The following ME1 variants were observed in gnomAD, a reference collection of about 807,000 sequenced individuals.
ME1 encodes the protein NADP-dependent malic enzyme.
A neutral mutation model predicts 66.4 loss-of-function variants in ME1; 74 were observed. The observed-to-expected ratio is 1.11, with a 90% CI of 0.92 to 1.35. The LOEUF is 1.35. ME1 is among the 40% of genes most tolerant of loss of function. The pLI, the probability that ME1 is intolerant of heterozygous loss-of-function variation, is 0.00. For synonymous variants in ME1, 251 were observed against 235.6 expected, an observed-to-expected ratio of 1.07 and a Z score of -0.60; for missense variants, 750 against 694.1, an observed-to-expected ratio of 1.08 and a Z score of -0.90.
intron 1 of ME1, among the ~76,000 whole-genome samples, chr6:83,410,084 C>G (rs1166978829): frequency 6.6e-6 from 1 of 150,728 alleles, no homozygotes; most frequent in Non-Finnish European, 1.5e-5. Flanking sequence ...TACTTTTTTA[C>G]TTTTGGTTTG....
At chr6:83,277,187 C>T (rs1767197846) in intron 6 of ME1, among the ~76,000 whole-genome samples, 2 of 152,132 alleles carry the variant, frequency 1.3e-5, no homozygotes, top group African/African-American at 2.4e-5. Flanking sequence ...CAAAACAAGC[C>T]TGGGTACTTA....
chr6:83,396,736 A>G (rs1368143652), intron 3 of ME1, among the ~76,000 whole-genome samples: 1 of 152,116 alleles, frequency 6.6e-6, no homozygotes, highest in Non-Finnish European at 1.5e-5. Context: ...CTGTTAAGTT[A>G]TGGTAATCAC....
intron 5 of ME1, among the ~76,000 whole-genome samples, chr6:83,320,915 C>T (rs1195657137): frequency 6.6e-6 from 1 of 152,112 alleles, no homozygotes; most frequent in Non-Finnish European, 1.5e-5. Context: ...AAGACCAATG[C>T]AGAAGGTGGG....
intron 6 of ME1, among the ~76,000 whole-genome samples, chr6:83,270,394 C>T (rs560739678): frequency 1.8e-3 from 276 of 150,982 alleles, no homozygotes; most frequent in Middle Eastern, 6.8e-3. Context: ...CTCCCTAACG[C>T]CTTCTCAAAA....
chr6:83,422,568 G>A (rs546716713), intron 1 of ME1, among the ~76,000 whole-genome samples: 3 of 152,230 alleles, frequency 2.0e-5, no homozygotes, highest in South Asian at 2.1e-4. Context: ...CTTACAATCA[G>A]TTATTATAAC....
chr6:83,310,737 G>A (rs1462131234), intron 6 of ME1, among the ~76,000 whole-genome samples: 2 of 151,950 alleles, frequency 1.3e-5, no homozygotes, highest in Non-Finnish European at 2.9e-5. Context: ...TAACTATAAG[G>A]ACAATGGGAA....
chr6:83,247,299 T>A (rs900717220), intron 7 of ME1, among the ~76,000 whole-genome samples: 7 of 152,098 alleles, frequency 4.6e-5, no homozygotes, highest in African/African-American at 1.7e-4. Context: ...CTGAATTCTG[T>A]TTGTCTTCAG....
chr6:83,391,881 C>T (rs1158146888), intron 3 of ME1, among the ~76,000 whole-genome samples: 1 of 152,188 alleles, frequency 6.6e-6, no homozygotes, highest in African/African-American at 2.4e-5. Context: ...CCACAGTGTC[C>T]ACTCTGTTTA....
intron 6 of ME1, among the ~76,000 whole-genome samples, chr6:83,259,340 T>C (rs1290368507): frequency 6.6e-6 from 1 of 152,106 alleles, no homozygotes; most frequent in Non-Finnish European, 1.5e-5. Context: ...GACAAAAGGA[T>C]GTAAGCAAAT....
chr6:83,294,419 G>A (rs12209025), intron 6 of ME1, among the ~76,000 whole-genome samples: 10,805 of 151,896 alleles, frequency 0.071, 471 homozygotes, highest in Admixed American at 0.098. Context: ...TATTCTATCC[G>A]AGCTTGCAGC....
At chr6:83,221,881 A>G (rs1790097524) in intron 12 of ME1, among the ~76,000 whole-genome samples, 1 of 152,200 alleles carries the variant, frequency 6.6e-6, no homozygotes, top group Non-Finnish European at 1.5e-5. Flanking sequence ...AAACAGGAAT[A>G]TTGTGTTGAA....
intron 3 of ME1, chr6:83,392,785 C>T: frequency 8.6e-6 from 6 of 694,670 alleles, no homozygotes; most frequent in Non-Finnish European, 1.3e-5. Flanking sequence ...CATCTCTGCA[C>T]CCTCTGCTGA....
At chr6:83,315,258 T>C in intron 6 of ME1, 52 bp downstream of exon 6, 1 of 1,084,406 alleles carries the variant, frequency 9.2e-7, no homozygotes, top group Non-Finnish European at 1.4e-6. Flanking sequence ...TTTTTAATAG[T>C]CTGTTATGTT....
At chr6:83,410,292 C>T (rs538965585) in intron 1 of ME1, among the ~76,000 whole-genome samples, 1 of 152,046 alleles carries the variant, frequency 6.6e-6, no homozygotes, top group East Asian at 1.9e-4. Context: ...TAGAAATTTT[C>T]AAACATTCAA....
At chr6:83,419,694 T>C (rs1466220592) in intron 1 of ME1, among the ~76,000 whole-genome samples, 1 of 152,190 alleles carries the variant, frequency 6.6e-6, no homozygotes, top group Non-Finnish European at 1.5e-5. Flanking sequence ...TTAAGAACCA[T>C]TCACCTCAAT....
chr6:83,341,113 A>C (rs971004131), intron 5 of ME1, among the ~76,000 whole-genome samples: 1 of 152,116 alleles, frequency 6.6e-6, no homozygotes, highest in African/African-American at 2.4e-5. Flanking sequence ...CTGGAGACTG[A>C]GTTCAACCAC....
chr6:83,302,336 A>G (rs1257263665), intron 6 of ME1, among the ~76,000 whole-genome samples: 2 of 152,256 alleles, frequency 1.3e-5, no homozygotes, highest in South Asian at 2.1e-4. Flanking sequence ...AAGAGCAAAA[A>G]AAAAATAACT....
At chr6:83,344,097 C>G (rs1768640508) in intron 5 of ME1, among the ~76,000 whole-genome samples, 1 of 147,246 alleles carries the variant, frequency 6.8e-6, no homozygotes, top group Non-Finnish European at 1.5e-5. Context: ...ACATACATAG[C>G]AAGACCCCGT....
chr6:83,392,759 G>C (rs958013402), intron 3 of ME1: 1 of 663,668 alleles, frequency 1.5e-6, no homozygotes, highest in African/African-American at 1.8e-5. Context: ...TTGGAGGGAG[G>C]AGCCAAAACG....
Sources: allele counts gnomAD v4.1 joint callset (sites outside exome capture counted in the v4.1 genomes callset), GRCh38; gene constraint gnomAD v4.1.1; transcripts MANE v1.5; gene names NCBI Gene and HGNC (gene_info 2026-07-23, HGNC 2026-07-21).